ROBO2: variants seen among roughly 807,000 people sequenced by gnomAD.
ROBO2 encodes the protein roundabout guidance receptor 2, also known as roundabout homolog 2.
In ROBO2, 53 loss-of-function variants were observed where a neutral mutation model predicts 160.8. That is an observed-to-expected ratio of 0.33 (90% CI 0.26 to 0.41). ROBO2 has a LOEUF of 0.41. Among genes scored for constraint, ROBO2 ranks in the 10% least tolerant of loss-of-function variants. The probability of loss-of-function intolerance (pLI) is 1.00; values close to 1 mark genes in which losing one functional copy is unlikely to be tolerated. For synonymous variants in ROBO2, 664 were observed against 611.7 expected, an observed-to-expected ratio of 1.09 and a Z score of -1.26; for missense variants, 1,577 against 1,722.4, an observed-to-expected ratio of 0.92 and a Z score of 1.49.
chr3:77,563,888 T>C (rs142259049), intron 11 of ROBO2, among the ~76,000 whole-genome samples: 1 of 152,296 alleles, frequency 6.6e-6, no homozygotes, highest in Non-Finnish European at 1.5e-5. Context: ...CCACGTGTTA[T>C]CTGAAATAAT....
chr3:77,233,924 A>G (rs1211764495), intron 2 of ROBO2, among the ~76,000 whole-genome samples: 1 of 152,212 alleles, frequency 6.6e-6, no homozygotes, highest in Non-Finnish European at 1.5e-5. Flanking sequence ...TGCACAACTT[A>G]AAAATATGCA....
At chr3:76,399,502 G>A (rs1364762114) in intron 2 of ROBO2, among the ~76,000 whole-genome samples, 1 of 151,672 alleles carries the variant, frequency 6.6e-6, no homozygotes, top group Non-Finnish European at 1.5e-5. Flanking sequence ...GTACCCCTAA[G>A]AGCTTTCAAC....
intron 2 of ROBO2, among the ~76,000 whole-genome samples, chr3:76,857,447 G>C (rs533002042): frequency 1.3e-5 from 2 of 152,260 alleles, no homozygotes; most frequent in South Asian, 4.1e-4. Flanking sequence ...GTGGAAATTA[G>C]AGGGCATTTT....
At chr3:77,595,605 A>C (rs986304347) in intron 18 of ROBO2, among the ~76,000 whole-genome samples, 2 of 152,310 alleles carry the variant, frequency 1.3e-5, no homozygotes, top group East Asian at 3.9e-4. Flanking sequence ...ATAGGACTGG[A>C]TTCCACAACT....
chr3:76,603,343 AAAAAAAAAATATATATATATATAT>A (rs2087343073), intron 2 of ROBO2, among the ~76,000 whole-genome samples: 1 of 75,568 alleles, frequency 1.3e-5, no homozygotes, highest in South Asian at 5.0e-4. Context: ...AAAAAAAAAA[AAAAAAAAAATATATATATATATAT>A]ATATATATAT....
At chr3:76,975,193 G>A (rs184649025) in intron 2 of ROBO2, among the ~76,000 whole-genome samples, 21 of 152,238 alleles carry the variant, frequency 1.4e-4, no homozygotes, top group African/African-American at 5.1e-4. Context: ...TTCCTACACA[G>A]AAGGCTTCAG....
chr3:76,799,528 G>T (rs1400592531), intron 2 of ROBO2, among the ~76,000 whole-genome samples: 8 of 150,212 alleles, frequency 5.3e-5, no homozygotes, highest in Non-Finnish European at 1.2e-4. Context: ...CAGTAAAGTG[G>T]CAGGATACAA....
At chr3:77,492,133 G>C (rs888520777) in intron 4 of ROBO2, among the ~76,000 whole-genome samples, 5 of 152,150 alleles carry the variant, frequency 3.3e-5, no homozygotes, top group African/African-American at 1.2e-4. Flanking sequence ...AATATGTCCA[G>C]ATGGCCAGAA....
At chr3:76,201,407 A>G (rs893311030) in intron 2 of ROBO2, among the ~76,000 whole-genome samples, 3 of 152,106 alleles carry the variant, frequency 2.0e-5, no homozygotes, top group African/African-American at 7.2e-5. Context: ...CTTGTTCCTT[A>G]GTTAAGAGGA....
intron 2 of ROBO2, among the ~76,000 whole-genome samples, chr3:77,219,775 C>G (rs1254491065): frequency 6.6e-6 from 1 of 151,202 alleles, no homozygotes. Flanking sequence ...CAAATGTTAG[C>G]CCTTTACTAA....
At position 76,555,504 on chromosome 3, in the gene ROBO2, G is replaced by A. The variant is rs1213461852; in HGVS notation, c.110-542510G>A. Among the ~76,000 whole-genome samples, 13 of 152,038 alleles carry A rather than the reference G, an allele frequency of 8.6e-5. No individual in the cohort carries two copies. The South Asian group carries it at 1.5e-3, about 17-fold the overall frequency. On this transcript the variant is annotated intron_variant, in intron 2 of 26. Coordinates refer to the ROBO2 transcript ENST00000487694. The stretch of plus-strand genomic sequence containing the variant: ...ATCCCTCTCATCTTGAGTTGAAAAT[G>A]GTCAGAAACAAGAACACAATGTATG...
intron 2 of ROBO2, among the ~76,000 whole-genome samples, chr3:76,119,916 C>CCCTCCCTTCCTTCCTT (rs1377854643): frequency 1.1e-4 from 10 of 88,178 alleles, no homozygotes; most frequent in African/African-American, 2.9e-4. Flanking sequence ...TTCCCTCCCT[C>CCCTCCCTTCCTTCCTT]CCTTCCTTCC....
At chr3:76,776,205 A>G (rs1166952317) in intron 2 of ROBO2, among the ~76,000 whole-genome samples, 1 of 150,964 alleles carries the variant, frequency 6.6e-6, no homozygotes, top group East Asian at 2.0e-4. Context: ...TTTGAACTCT[A>G]TATAGTTAAA....
intron 2 of ROBO2, among the ~76,000 whole-genome samples, chr3:76,771,299 G>A (rs971000245): frequency 1.3e-5 from 2 of 151,336 alleles, no homozygotes; most frequent in Middle Eastern, 3.4e-3. Flanking sequence ...TTGGGGTTAA[G>A]CAGGATCTAT....
At chr3:76,360,499 A>AT (rs2075445910) in intron 2 of ROBO2, among the ~76,000 whole-genome samples, 1 of 152,156 alleles carries the variant, frequency 6.6e-6, no homozygotes, top group South Asian at 2.1e-4. Flanking sequence ...AAAGATTCCT[A>AT]TAACAAAGAA....
chr3:77,340,137 C>A (rs1011954510), intron 2 of ROBO2, among the ~76,000 whole-genome samples: 2 of 152,040 alleles, frequency 1.3e-5, no homozygotes, highest in Non-Finnish European at 2.9e-5. Context: ...TTGCTCAATT[C>A]GTATTAGCTA....
At chr3:76,516,693 G>T (rs143767684) in intron 2 of ROBO2, among the ~76,000 whole-genome samples, 1 of 152,240 alleles carries the variant, frequency 6.6e-6, no homozygotes. Flanking sequence ...AGACCTGAGA[G>T]ATTCTGTTTT....
intron 1 of ROBO2, among the ~76,000 whole-genome samples, chr3:77,085,872 C>G (rs1178514165): frequency 1.3e-5 from 2 of 152,054 alleles, no homozygotes; most frequent in African/African-American, 4.8e-5. Context: ...CTTGAAACTA[C>G]TGGTAAAAGT....
chr3:77,192,837 A>C (rs2150955275), intron 2 of ROBO2, among the ~76,000 whole-genome samples: 1 of 151,704 alleles, frequency 6.6e-6, no homozygotes, highest in East Asian at 2.0e-4. Context: ...TATTTTAAGT[A>C]GAGATGGGGC....
Sources: allele counts gnomAD v4.1 joint callset (sites outside exome capture counted in the v4.1 genomes callset), GRCh38; gene constraint gnomAD v4.1.1; transcripts MANE v1.5; gene names NCBI Gene and HGNC (gene_info 2026-07-23, HGNC 2026-07-21).